The following CFAP299 variants were observed in gnomAD, a reference collection of about 807,000 sequenced individuals.
CFAP299 encodes cilia and flagella associated protein 299.
Under a neutral mutation model 27.0 loss-of-function variants are expected in CFAP299, and 21 were observed. That is an observed-to-expected ratio of 0.78 (90% CI 0.55 to 1.12). The LOEUF (loss-of-function observed/expected upper bound fraction) is 1.12, where lower values mean the gene tolerates loss of function less well. Ranked by LOEUF, CFAP299 falls within the 50% of genes most tolerant of loss-of-function variation. The pLI is 0.00. For missense variants in CFAP299, 310 were observed against 276.6 expected, an observed-to-expected ratio of 1.12 and a Z score of -0.86; for synonymous variants, 104 against 98.1, an observed-to-expected ratio of 1.06 and a Z score of -0.36.
At chr4:80,920,759 G>A (rs1480586433) in intron 4 of CFAP299, among the ~76,000 whole-genome samples, 2 of 152,012 alleles carry the variant, frequency 1.3e-5, no homozygotes, top group Non-Finnish European at 1.5e-5. Context: ...CTACCTTCTG[G>A]GGTGCATGTG....
intron 3 of CFAP299, among the ~76,000 whole-genome samples, chr4:80,764,242 A>T (rs1454000337): frequency 6.6e-6 from 1 of 152,216 alleles, no homozygotes; most frequent in Non-Finnish European, 1.5e-5. Context: ...CAAGGAACTT[A>T]AACAAATTTA....
At chr4:80,558,807 A>G (rs1734906415) in intron 2 of CFAP299, among the ~76,000 whole-genome samples, 1 of 152,182 alleles carries the variant, frequency 6.6e-6, no homozygotes, top group Non-Finnish European at 1.5e-5. Flanking sequence ...TAATAGAGAA[A>G]TAAGTAAAAT....
chr4:80,516,021 T>A (rs993674848), intron 2 of CFAP299, among the ~76,000 whole-genome samples: 1 of 147,988 alleles, frequency 6.8e-6, no homozygotes, highest in Non-Finnish European at 1.5e-5. Flanking sequence ...GCATTTCTTT[T>A]TTTTTTTTTT....
chr4:80,386,110 T>C (rs1724962637), intron 2 of CFAP299: 1 of 469,622 alleles, frequency 2.1e-6, no homozygotes, highest in South Asian at 5.3e-5. Flanking sequence ...ATCTCCAGTC[T>C]GCCCCCAGGG....
At chr4:80,928,381 T>G (rs1736408447) in intron 4 of CFAP299, among the ~76,000 whole-genome samples, 1 of 152,108 alleles carries the variant, frequency 6.6e-6, no homozygotes, top group Non-Finnish European at 1.5e-5. Context: ...TGATTTCTTT[T>G]AATGAAAATT....
intron 3 of CFAP299, among the ~76,000 whole-genome samples, chr4:80,688,486 G>A (rs1720396199): frequency 6.6e-6 from 1 of 152,196 alleles, no homozygotes; most frequent in African/African-American, 2.4e-5. Flanking sequence ...TGAGGGTCCT[G>A]TCTGTTAGAA....
chr4:80,483,540 G>A (rs192779647), intron 2 of CFAP299, among the ~76,000 whole-genome samples: 27 of 151,892 alleles, frequency 1.8e-4, no homozygotes, highest in Admixed American at 1.4e-3. Flanking sequence ...GTATAATGTG[G>A]GTTTAAAGCA....
chr4:80,630,084 A>G (rs1739127414), intron 3 of CFAP299, among the ~76,000 whole-genome samples: 1 of 152,116 alleles, frequency 6.6e-6, no homozygotes, highest in African/African-American at 2.4e-5. Flanking sequence ...TGCAGCAAAG[A>G]AAGGCAAAGA....
In CFAP299 at chr4:80,568,192, C is replaced by A. The variant is rs1394381231; in HGVS notation, c.243-14901C>A. ...ATTAATATTATACAAACATACTGAACCTATTTTATATATGTGTATGCTTCT... is the reference window on the plus strand; with the variant it reads ...ATTAATATTATACAAACATACTGAAACTATTTTATATATGTGTATGCTTCT... On this transcript the variant is annotated intron_variant, in intron 2 of 5. Coordinates refer to ENST00000358105, the MANE Select transcript of CFAP299 (RefSeq NM_152770.3). Among the ~76,000 whole-genome samples the A allele has an allele frequency of 6.6e-5, 10 of 151,882 alleles. No individual in the cohort carries two copies. The East Asian group carries it at 1.9e-3, about 29-fold the overall frequency.
At chr4:80,695,732 G>T (rs1226544127) in intron 3 of CFAP299, among the ~76,000 whole-genome samples, 1 of 150,058 alleles carries the variant, frequency 6.7e-6, no homozygotes, top group African/African-American at 2.5e-5. Context: ...GAGTGCAGTG[G>T]CATAATCATG....
At chr4:80,509,088 A>G (rs1420966427) in intron 2 of CFAP299, among the ~76,000 whole-genome samples, 1 of 152,192 alleles carries the variant, frequency 6.6e-6, no homozygotes, top group Non-Finnish European at 1.5e-5. Context: ...TTGGTTACTA[A>G]TGAAGGGGCA....
chr4:80,567,096 C>T lies in CFAP299; in HGVS notation c.243-15997C>T, dbSNP rs140739280. 1.1e-3 allele frequency among the ~76,000 whole-genome samples: 171 copies of T among 151,930 alleles called. 2 individuals carry two copies. Among genetic ancestry groups the T allele is most frequent in the Admixed American group, 0.01 (159 of 15,238 alleles). On this transcript the variant is annotated intron_variant, in intron 2 of 5. Transcript: ENST00000358105. ...TAAGACACTGTAGATCTGAAGACTCCCACTTGGATCTTCCTCAAGATAGAA... is the reference window on the plus strand; with the variant it reads ...TAAGACACTGTAGATCTGAAGACTCTCACTTGGATCTTCCTCAAGATAGAA...
At position 80,544,719 on chromosome 4, in the gene CFAP299, G is replaced by A. The variant is rs182995658; in HGVS notation, c.243-38374G>A. Reference sequence around the variant, plus strand: ...CGGAGCACCCAGATTCATAAAATAAGTTCTTAAGAGGACTATGAAGAAATG... The same window carrying A: ...CGGAGCACCCAGATTCATAAAATAAATTCTTAAGAGGACTATGAAGAAATG... On this transcript the variant is annotated intron_variant, in intron 2 of 5. Coordinates refer to ENST00000358105, the MANE Select transcript of CFAP299 (RefSeq NM_152770.3). Among the ~76,000 whole-genome samples, 20 of 152,284 alleles carry A rather than the reference G, an allele frequency of 1.3e-4. No homozygotes were observed. In the East Asian group the frequency reaches 1.9e-3, roughly 15 times the overall value.
At chr4:80,608,717 G>T (rs1384667820) in intron 3 of CFAP299, among the ~76,000 whole-genome samples, 1 of 151,954 alleles carries the variant, frequency 6.6e-6, no homozygotes, top group Non-Finnish European at 1.5e-5. Flanking sequence ...GTTGTCTTTG[G>T]CATTGATAGA....
intron 2 of CFAP299, among the ~76,000 whole-genome samples, chr4:80,514,218 A>T (rs1393543259): frequency 6.6e-6 from 1 of 152,214 alleles, no homozygotes; most frequent in Admixed American, 6.5e-5. Context: ...AGAGATTGGA[A>T]CAACAATTAG....
At chr4:80,857,747 G>T (rs1336451476) in intron 3 of CFAP299, among the ~76,000 whole-genome samples, 2 of 152,154 alleles carry the variant, frequency 1.3e-5, no homozygotes, top group Non-Finnish European at 2.9e-5. Flanking sequence ...TGCACCCCAG[G>T]GATGAAGCCC....
At chr4:80,340,923 G>A (rs934216443) in intron 1 of CFAP299, among the ~76,000 whole-genome samples, 8 of 152,010 alleles carry the variant, frequency 5.3e-5, no homozygotes, top group Admixed American at 3.3e-4. Flanking sequence ...TTACAGGTAT[G>A]CACCACCACA....
At chr4:80,906,530 C>CTGTGCCCTGCACAGCAG in intron 4 of CFAP299, among the ~76,000 whole-genome samples, 1 of 152,338 alleles carries the variant, frequency 6.6e-6, no homozygotes, top group East Asian at 1.9e-4. Flanking sequence ...AGTTGTTCCC[C>CTGTGCCCTGCACAGCAG]TTGAGGGCTG....
intron 2 of CFAP299, among the ~76,000 whole-genome samples, chr4:80,460,049 G>T (rs567092458): frequency 6.6e-6 from 1 of 152,288 alleles, no homozygotes; most frequent in African/African-American, 2.4e-5. Context: ...AAGAATAGGG[G>T]CTTGAAGCAT....
Sources: gnomAD v4.1 joint callset for allele counts (sites outside exome capture counted in the v4.1 genomes callset) on GRCh38, gnomAD v4.1.1 for gene constraint, MANE v1.5 for transcripts, NCBI Gene and HGNC (gene_info 2026-07-23, HGNC 2026-07-21) for gene names.